The following STEAP2 variants were observed in gnomAD, a reference collection of about 807,000 sequenced individuals.
The protein encoded by STEAP2 is metalloreductase STEAP2.
STEAP2 carries 30 observed loss-of-function variants against 46.4 expected under a neutral mutation model. The ratio of observed to expected loss-of-function variants is 0.65; its 90% CI spans 0.48 to 0.88. The LOEUF is 0.88. Ranked by LOEUF, STEAP2 falls within the 40% of genes least tolerant of loss-of-function variation. STEAP2 has a pLI of 0.00. For synonymous variants in STEAP2, 180 were observed against 200.5 expected, an observed-to-expected ratio of 0.90 and a Z score of 0.86; for missense variants, 513 against 579.3, an observed-to-expected ratio of 0.89 and a Z score of 1.18.
chr7:90,213,321 G>GA (rs1220808253), intron 1 of STEAP2, among the ~76,000 whole-genome samples: 5 of 152,120 alleles, frequency 3.3e-5, no homozygotes, highest in Non-Finnish European at 5.9e-5. Context: ...TTTTAGTACT[G>GA]AAAAAACAGG....
At chr7:90,224,818 C>T (rs987857064) in intron 2 of STEAP2, among the ~76,000 whole-genome samples, 1 of 152,188 alleles carries the variant, frequency 6.6e-6, no homozygotes, top group Non-Finnish European at 1.5e-5. Flanking sequence ...TAGCACCTCA[C>T]CTTTGTGACA....
At chr7:90,220,900 G>A (rs1338996662) in intron 2 of STEAP2, among the ~76,000 whole-genome samples, 1 of 152,008 alleles carries the variant, frequency 6.6e-6, no homozygotes, top group East Asian at 1.9e-4. Context: ...TCATTTAGGA[G>A]CATGTTGTTT....
Position 90,227,288 on chromosome 7 carries a change from A to T in STEAP2, c.810A>T (p.Val270=), listed in dbSNP as rs1433469806. 5.0e-6 allele frequency: 8 copies of T among 1,613,768 alleles called. No homozygotes were observed. Among genetic ancestry groups the T allele is most frequent in the Non-Finnish European group, 6.8e-6 (8 of 1,179,844 alleles). Residue 270 remains valine, a synonymous_variant, in exon 4 of 6, where the codon GTA becomes GTT. Transcript: ENST00000394621. The part of the protein sequence containing the change: ...PIVAITLLSL[V]YLAGLLAAAY... ...TTGCCATTACTTTGCTCTCCCTAGTATACCTCGCAGGTCTTCTGGCAGCTG... is the reference window on the plus strand; with the variant it reads ...TTGCCATTACTTTGCTCTCCCTAGTTTACCTCGCAGGTCTTCTGGCAGCTG...
chr7:90,225,602 G>A lies in STEAP2; in HGVS notation c.492+28G>A, dbSNP rs765046553. 14 of 1,527,832 alleles carry A rather than the reference G, an allele frequency of 9.2e-6. No individual in the cohort carries two copies. The South Asian group carries it at 1.6e-4, about 17-fold the overall frequency. 94.6% of individuals were successfully genotyped at this position (1,527,832 alleles called of 1,614,324 possible). On this transcript the variant is annotated intron_variant, in intron 3 of 5. Coordinates refer to ENST00000394621, the MANE Select transcript of STEAP2 (RefSeq NM_001244944.2). ...ATGTATTTTACATTTTTATTCTTAT[G>A]TATCTGGTATTTTGTAGTTAAACAA...
At chr7:90,225,656 A>C in intron 3 of STEAP2, 82 bp downstream of exon 3, 2 of 1,376,370 alleles carry the variant, frequency 1.5e-6, no homozygotes, top group Non-Finnish European at 2.0e-6. Context: ...TTTTAATACC[A>C]AACTCTGACA....
Position 90,235,411 on chromosome 7 carries a change from CTTAA to C in STEAP2, c.*2790_*2793del. 2.0e-6 allele frequency: 2 copies of C among 977,760 alleles called. No individual in the cohort carries two copies. The highest frequency in any genetic ancestry group is 2.4e-6 in the Non-Finnish European group (2 of 823,062). 60.6% of individuals were successfully genotyped at this position (977,760 alleles called of 1,614,324 possible). Reference sequence around the variant, plus strand: ...ATTTTACCTCTATGTGATTATTTTTCTTAATTGTTATTTTTTATAATCATTATTT... The same window carrying C: ...ATTTTACCTCTATGTGATTATTTTTCTTGTTATTTTTTATAATCATTATTT... On this transcript the variant is annotated 3_prime_UTR_variant, in exon 6 of 6. Coordinates refer to ENST00000394621, the MANE Select transcript of STEAP2 (RefSeq NM_001244944.2).
chr7:90,239,346 G>C (rs956828303), downstream of STEAP2, among the ~76,000 whole-genome samples: 1 of 152,158 alleles, frequency 6.6e-6, no homozygotes. Flanking sequence ...CAACACCTTA[G>C]TCTTCAACTT....
downstream of STEAP2, among the ~76,000 whole-genome samples, chr7:90,242,193 T>TG (rs1265917348): frequency 6.6e-6 from 1 of 152,086 alleles, no homozygotes; most frequent in African/African-American, 2.4e-5. Flanking sequence ...ATGTTAGAAG[T>TG]GGGGAGCTTA....
chr7:90,242,229 G>A (rs11563290), downstream of STEAP2, among the ~76,000 whole-genome samples: 2,168 of 152,254 alleles, frequency 0.014, 23 homozygotes, highest in Non-Finnish European at 0.021. Flanking sequence ...TTAAGCATTG[G>A]AAACTGGCAC....
In STEAP2 at chr7:90,235,957, A is replaced by C; in HGVS notation, c.*3333A>C. 1 of 984,378 alleles carries C rather than the reference A, an allele frequency of 1.0e-6. No homozygotes were observed. The allele number at this position is 984,378 out of a possible 1,614,324, so 61.0% of individuals were successfully genotyped here. On this transcript the variant is annotated 3_prime_UTR_variant, in exon 6 of 6. Transcript: ENST00000394621. ...CTACCTGATTAATTTCTTATAAAGC[A>C]GCATAACCTTGGCTTGATTAAGGAA...
Position 90,235,241 on chromosome 7 carries a change from GT to G in STEAP2, c.*2619del. 1 of 983,748 alleles carries G rather than the reference GT, an allele frequency of 1.0e-6. No homozygotes were observed. The highest frequency in any genetic ancestry group is 1.2e-6 in the Non-Finnish European group (1 of 828,402). The allele number at this position is 983,748 out of a possible 1,614,324, so 60.9% of individuals were successfully genotyped here. ...GTGAAAATGTATAAAAGATGCATCT[GT>G]TGTTTCAAATGGCACTATCTTCTTT... On this transcript the variant is annotated 3_prime_UTR_variant, in exon 6 of 6. Transcript: ENST00000394621.
intron 5 of STEAP2, 23 bp from the exon 6 acceptor site, chr7:90,232,314 T>G (rs1308107666): frequency 6.5e-7 from 1 of 1,537,566 alleles, no homozygotes; most frequent in African/African-American, 1.4e-5. Flanking sequence ...CTTTGTTTCT[T>G]TTCCTTCCTC....
At position 90,234,862 on chromosome 7, in the gene STEAP2, T is replaced by C. The variant is rs1795907802; in HGVS notation, c.*2238T>C. On this transcript the variant is annotated 3_prime_UTR_variant, in exon 6 of 6. Coordinates refer to ENST00000394621, the MANE Select transcript of STEAP2 (RefSeq NM_001244944.2). ...CTACCGCGCCCGGCCTATTATCTTG[T>C]ACTTTCTAACTGAGCCCTCTATTTT... 1.0e-6 allele frequency: 1 copy of C among 985,194 alleles called. No homozygotes were observed. The highest frequency in any genetic ancestry group is 1.2e-6 in the Non-Finnish European group (1 of 829,784). The allele number at this position is 985,194 out of a possible 1,614,324, so 61.0% of individuals were successfully genotyped here.
Position 90,234,474 on chromosome 7 carries a change from T to A in STEAP2, c.*1850T>A, listed in dbSNP as rs1437424685. On this transcript the variant is annotated 3_prime_UTR_variant, in exon 6 of 6. Transcript: ENST00000394621. ...CCACCAGTGACTCTTTTTCTACAAC[T>A]GCCTTGTCAGTTTGGTAATTCACTT... 1 of 984,940 alleles carries A rather than the reference T, an allele frequency of 1.0e-6. No individual in the cohort carries two copies. Among genetic ancestry groups the A allele is most frequent in the Non-Finnish European group, 1.2e-6 (1 of 829,782 alleles). The allele number at this position is 984,940 out of a possible 1,614,324, so 61.0% of individuals were successfully genotyped here.
Position 90,237,171 on chromosome 7 carries a change from A to AAGGG in STEAP2, c.*4547_*4548insAGGG, listed in dbSNP as rs1355006616. Reference sequence around the variant, plus strand: ...AAGCCACACCCAAAGAGTAAGGCAGATTAGAGACCAGAAAGACCTTGACTA... The same window carrying AAGGG: ...AAGCCACACCCAAAGAGTAAGGCAGAAGGGTTAGAGACCAGAAAGACCTTGACTA... On this transcript the variant is annotated 3_prime_UTR_variant, in exon 6 of 6. Transcript: ENST00000394621. The AAGGG allele has an allele frequency of 1.3e-5, 6 of 468,938 alleles. No individual in the cohort carries two copies. The highest frequency in any genetic ancestry group is 4.0e-5 in the Admixed American group (1 of 25,114). The allele number at this position is 468,938 out of a possible 1,614,324, so 29.0% of individuals were successfully genotyped here.
downstream of STEAP2, among the ~76,000 whole-genome samples, chr7:90,241,245 GA>G (rs1796056018): frequency 1.3e-5 from 2 of 152,034 alleles, no homozygotes; most frequent in Non-Finnish European, 2.9e-5. Context: ...AGGATCTTGA[GA>G]GATCAGAATC....
chr7:90,231,512 AC>A (rs1363112016), intron 5 of STEAP2, among the ~76,000 whole-genome samples: 1 of 151,978 alleles, frequency 6.6e-6, no homozygotes, highest in Admixed American at 6.6e-5. Context: ...ACAAACCATG[AC>A]CTATTGCTCC....
rs529584783 is a variant in STEAP2, at chr7:90,233,260, C to T, written c.*636C>T. On this transcript the variant is annotated 3_prime_UTR_variant, in exon 6 of 6. Coordinates refer to ENST00000394621, the MANE Select transcript of STEAP2 (RefSeq NM_001244944.2). ...TAAAATATATTTGAGACATGAAATA[C>T]ATACTGATAATACATACCTCATGAA... is the stretch of plus-strand genomic sequence containing the variant. 1 of 935,922 alleles carries T rather than the reference C, an allele frequency of 1.1e-6. No individual in the cohort carries two copies. Among genetic ancestry groups the T allele is most frequent in the South Asian group, 4.9e-5 (1 of 20,252 alleles). 58.0% of individuals were successfully genotyped at this position (935,922 alleles called of 1,614,324 possible).
Position 90,235,418 on chromosome 7 carries a change from G to A in STEAP2, c.*2794G>A. 1 of 979,362 alleles carries A rather than the reference G, an allele frequency of 1.0e-6. No homozygotes were observed. Among genetic ancestry groups the A allele is most frequent in the African/African-American group, 1.8e-5 (1 of 57,090 alleles). The allele number at this position is 979,362 out of a possible 1,614,324, so 60.7% of individuals were successfully genotyped here. A position where few individuals can be genotyped will look rare whatever the true frequency, so the allele number is the denominator to read the frequency against. ...CTCTATGTGATTATTTTTCTTAATT[G>A]TTATTTTTTATAATCATTATTTTTC... On this transcript the variant is annotated 3_prime_UTR_variant, in exon 6 of 6. Transcript: ENST00000394621.
Sources: gnomAD v4.1 joint callset for allele counts (sites outside exome capture counted in the v4.1 genomes callset) on GRCh38, gnomAD v4.1.1 for gene constraint, MANE v1.5 for transcripts, NCBI Gene and HGNC (gene_info 2026-07-23, HGNC 2026-07-21) for gene names.